The following FCRL4 variants were observed in gnomAD, a reference collection of about 807,000 sequenced individuals.
The protein encoded by FCRL4 is Fc receptor like 4, also known as Fc receptor-like protein 4.
In FCRL4, 43 loss-of-function variants were observed where a neutral mutation model predicts 64.1. The observed-to-expected ratio is 0.67, with a 90% CI of 0.53 to 0.87. The LOEUF is 0.87. FCRL4 is among the 40% of genes least tolerant of loss of function. The pLI is 0.00. For synonymous variants in FCRL4, 253 were observed against 239.8 expected (o/e 1.05, Z -0.51); for missense variants, 656 against 613.5 (o/e 1.07, Z -0.73).
chr1:157,580,074 T>C (rs1652526095), intron 8 of FCRL4, among the ~76,000 whole-genome samples: 1 of 152,262 alleles, frequency 6.6e-6, no homozygotes, highest in Non-Finnish European at 1.5e-5. Flanking sequence ...TAACCTTTGG[T>C]ATTATCCATT....
At chr1:157,576,217 A>C (rs979557044) in intron 10 of FCRL4, among the ~76,000 whole-genome samples, 3 of 152,168 alleles carry the variant, frequency 2.0e-5, no homozygotes, top group Admixed American at 2.0e-4. Context: ...TAAGTTTAGC[A>C]GATGTGATTT....
chr1:157,584,364 A>G lies in FCRL4; in HGVS notation c.1135+1804T>C, dbSNP rs191506733. ...GGCAACGTAGTGAGAACCTTTCTCT[A>G]TGAAAAATAAATTAAAAAAAAAATA... On this transcript the variant is annotated intron_variant, in intron 6 of 11. Transcript: ENST00000271532. Among the ~76,000 whole-genome samples, 12 of 151,734 alleles carry G rather than the reference A, an allele frequency of 7.9e-5. No individual in the cohort carries two copies. The East Asian group carries it at 1.4e-3, about 17-fold the overall frequency.
rs917587515 is a variant in FCRL4 at position 157,588,234 on chromosome 1, T to C, written c.308-115A>G. 5.8e-5 allele frequency: 75 copies of C among 1,284,008 alleles called. No homozygotes were observed. The African/African-American group carries it at 9.2e-4, about 16-fold the overall frequency. The allele number at this position is 1,284,008 out of a possible 1,614,324, so 79.5% of individuals were successfully genotyped here. ...CTTTCTTCCACAGGATGTAGTTTCC[T>C]GATCCAAGCTCACGAAACTCCTCCT... On this transcript the variant is annotated intron_variant, in intron 3 of 11. Coordinates refer to ENST00000271532, the MANE Select transcript of FCRL4 (RefSeq NM_031282.3).
At chr1:157,585,146 A>G (rs1054677857) in intron 6 of FCRL4, among the ~76,000 whole-genome samples, 7 of 152,110 alleles carry the variant, frequency 4.6e-5, no homozygotes, top group African/African-American at 1.7e-4. Flanking sequence ...AGGAGAGTGA[A>G]TTGAGGAGTT....
In FCRL4 at chr1:157,586,597, C is replaced by T. The variant is rs534585752; in HGVS notation, c.848-142G>A. On this transcript the variant is annotated intron_variant, in intron 5 of 11. Coordinates refer to ENST00000271532, the MANE Select transcript of FCRL4 (RefSeq NM_031282.3). Reference sequence around the variant, plus strand: ...CACTAGCATTGTGGCCAATAGACCACAGATTTAGCGCTGAGAATATCACTA... The same window carrying T: ...CACTAGCATTGTGGCCAATAGACCATAGATTTAGCGCTGAGAATATCACTA... The T allele has an allele frequency of 2.8e-4, 191 of 680,768 alleles. No individual in the cohort carries two copies. In the African/African-American group the frequency reaches 3.4e-3, roughly 12 times the overall value. The allele number at this position is 680,768 out of a possible 1,614,324, so 42.2% of individuals were successfully genotyped here.
At chr1:157,575,844 C>A in intron 10 of FCRL4, 114 bp from the exon 11 acceptor site, 1 of 914,628 alleles carries the variant, frequency 1.1e-6, no homozygotes. Context: ...ACCTCATCCC[C>A]TCCACCTCAT....
chr1:157,580,422 T>G, intron 7 of FCRL4, 74 bp from the exon 8 acceptor site: 1 of 1,491,684 alleles, frequency 6.7e-7, no homozygotes, highest in Non-Finnish European at 9.4e-7. Flanking sequence ...TAACAGGAGC[T>G]ATCTAAGAGA....
At position 157,586,403 on chromosome 1, in the gene FCRL4, A is replaced by T. The variant is rs762890355; in HGVS notation, c.900T>A (p.Ala300=). 3.1e-6 allele frequency: 5 copies of T among 1,612,804 alleles called. No homozygotes were observed. In the Admixed American group the frequency reaches 5.0e-5, roughly 16 times the overall value. The change falls in exon 6 of 12, where the codon GCT becomes GCA. Residue 300 remains alanine, a synonymous_variant. Coordinates refer to ENST00000271532, the MANE Select transcript of FCRL4 (RefSeq NM_031282.3). ...LLETQPSGGQ[A]VEGEMLVLVC... is the part of the protein sequence containing the mutation. Reference sequence around the variant, plus strand: ...CAAGGACCAGCATCTCCCCTTCAACAGCCTGGCCCCCTGAGGGCTGGGTCT... The same window carrying T: ...CAAGGACCAGCATCTCCCCTTCAACTGCCTGGCCCCCTGAGGGCTGGGTCT...
chr1:157,587,005 G>T (rs115489340), intron 5 of FCRL4, among the ~76,000 whole-genome samples: 3,289 of 152,252 alleles, frequency 0.022, 52 homozygotes, highest in Middle Eastern at 0.048. Flanking sequence ...TCATTTTCTT[G>T]TTTTGTTTTG....
chr1:157,585,458 G>C (rs919588222), intron 6 of FCRL4, among the ~76,000 whole-genome samples: 13 of 148,844 alleles, frequency 8.7e-5, no homozygotes, highest in African/African-American at 3.2e-4. Flanking sequence ...CTAAACCTGA[G>C]ATTGAGGAGG....
intron 1 of FCRL4, among the ~76,000 whole-genome samples, chr1:157,597,130 T>C (rs950589124): frequency 2.6e-5 from 4 of 152,190 alleles, no homozygotes; most frequent in Non-Finnish European, 5.9e-5. Context: ...ATGTCACCTC[T>C]TGAGGGCAGA....
chr1:157,597,969 A>G lies in FCRL4; in HGVS notation c.-25T>C. ...TGGAAGCCTGCTCCAGGATTGGAGA[A>G]GGAGTTCTGAGGAGACAAGCCAGGT... On this transcript the variant is annotated 5_prime_UTR_variant, in exon 1 of 12. Transcript: ENST00000271532. 1 of 1,605,076 alleles carries G rather than the reference A, an allele frequency of 6.2e-7. No homozygotes were observed.
intron 2 of FCRL4, among the ~76,000 whole-genome samples, chr1:157,594,025 C>T (rs569743482): frequency 5.3e-5 from 8 of 152,172 alleles, no homozygotes; most frequent in Non-Finnish European, 8.8e-5. Context: ...TTTATAAACT[C>T]GGTAAAAGTT....
rs1652384377 is a variant in FCRL4 at position 157,575,563 on chromosome 1, G to A, written c.1509C>T (p.Asn503=). 5 of 1,613,828 alleles carry A rather than the reference G, an allele frequency of 3.1e-6. No individual in the cohort carries two copies. The highest frequency in any genetic ancestry group is 1.1e-5 in the South Asian group (1 of 91,080). ...CCTTAGAGCTGATCTTTCCAGCTGA[G>A]TTATCTGGGTGTTGTGTCTTTACCT... ...YSEVKTQHPD[N]SAGKISSKDE... Residue 503 remains asparagine, a synonymous_variant, in exon 12 of 12, where the codon AAC becomes AAT. Transcript: ENST00000271532.
intron 6 of FCRL4, among the ~76,000 whole-genome samples, chr1:157,585,196 A>C (rs1652645045): frequency 6.6e-6 from 1 of 152,026 alleles, no homozygotes; most frequent in Admixed American, 6.6e-5. Context: ...CTTTCCAGTA[A>C]CTTAATAAAA....
intron 7 of FCRL4, among the ~76,000 whole-genome samples, chr1:157,581,006 A>C (rs1303411985): frequency 6.6e-6 from 1 of 152,216 alleles, no homozygotes; most frequent in Non-Finnish European, 1.5e-5. Flanking sequence ...GGCTGACCTG[A>C]GGAGAGAGGG....
intron 6 of FCRL4, among the ~76,000 whole-genome samples, chr1:157,585,791 G>T (rs1652677223): frequency 1.3e-5 from 2 of 152,144 alleles, no homozygotes; most frequent in South Asian, 4.2e-4. Context: ...TGGTGTGTGT[G>T]AATGATTTAC....
At chr1:157,579,681 C>A (rs1383069297) in intron 8 of FCRL4, among the ~76,000 whole-genome samples, 2 of 151,022 alleles carry the variant, frequency 1.3e-5, no homozygotes, top group Non-Finnish European at 3.0e-5. Flanking sequence ...CGTGCCACTG[C>A]ACTCCAGCCT....
chr1:157,580,538 G>T (rs1050804570), intron 7 of FCRL4, 190 bp from the exon 8 acceptor site: 25 of 606,082 alleles, frequency 4.1e-5, no homozygotes, highest in Non-Finnish European at 6.6e-5. Flanking sequence ...GGCCAGGACT[G>T]CACACTCCTG....
Sources: allele counts gnomAD v4.1 joint callset (sites outside exome capture counted in the v4.1 genomes callset), GRCh38; gene constraint gnomAD v4.1.1; transcripts MANE v1.5; gene names NCBI Gene and HGNC (gene_info 2026-07-23, HGNC 2026-07-21).